RANGAP1: variants seen among roughly 807,000 people sequenced by gnomAD.
RANGAP1 encodes ran GTPase-activating protein 1.
RANGAP1 carries 38 observed loss-of-function variants against 63.5 expected under a neutral mutation model. The ratio of observed to expected loss-of-function variants is 0.60; its 90% CI spans 0.46 to 0.78. The LOEUF (loss-of-function observed/expected upper bound fraction) is 0.78. RANGAP1 is among the 30% of genes least tolerant of loss of function. RANGAP1 has a pLI of 0.00. For synonymous variants in RANGAP1, 329 were observed against 310.5 expected (o/e 1.06, Z -0.63); for missense variants, 630 against 740.3 (o/e 0.85, Z 1.73).
chr22:41,277,374 G>A lies in RANGAP1; in HGVS notation c.113-2647C>T, dbSNP rs954466443. 6.3e-5 allele frequency: 61 copies of A among 961,134 alleles called. 1 individual carries two copies. The highest frequency in any genetic ancestry group is 3.2e-4 in the Admixed American group (12 of 37,788). 59.5% of individuals were successfully genotyped at this position (961,134 alleles called of 1,614,324 possible). ...ATTACAGGCGTGAGCCACCGCGCCCGGCCGAAAGTGAGGATATATTTTTTC... is the reference window on the plus strand; with the variant it reads ...ATTACAGGCGTGAGCCACCGCGCCCAGCCGAAAGTGAGGATATATTTTTTC... On this transcript the variant is annotated intron_variant, in intron 2 of 15. Transcript: ENST00000356244.
intron 3 of RANGAP1, among the ~76,000 whole-genome samples, chr22:41,272,722 G>T (rs924322132): frequency 6.6e-6 from 1 of 152,008 alleles, no homozygotes; most frequent in South Asian, 2.1e-4. Flanking sequence ...CACCATGTTG[G>T]CCAGGATGGT....
intron 2 of RANGAP1, among the ~76,000 whole-genome samples, chr22:41,278,952 C>T (rs768074490): frequency 6.6e-6 from 1 of 151,994 alleles, no homozygotes; most frequent in Non-Finnish European, 1.5e-5. Flanking sequence ...TCTTGGCTAA[C>T]TAACACGGTG....
rs748889594 is a variant in RANGAP1 at position 41,249,422 on chromosome 22, G to GT, written c.1601dup (p.Asn534LysfsTer68). ...TCAGCGCCATCAGGGGGCCGTACAG[G>GT]TTGGCAATGGCCTTGACCTTGTCTT... On this transcript the variant is annotated frameshift_variant, in exon 15 of 16. Coordinates refer to ENST00000356244, the MANE Select transcript of RANGAP1 (RefSeq NM_002883.4). LOFTEE classifies it high-confidence loss of function. 6.2e-7 allele frequency: 1 copy of GT among 1,614,202 alleles called. No individual in the cohort carries two copies. Among genetic ancestry groups the GT allele is most frequent in the South Asian group, 1.1e-5 (1 of 91,090 alleles).
At chr22:41,258,996 G>C (rs1289824725) in intron 6 of RANGAP1, among the ~76,000 whole-genome samples, 1 of 151,890 alleles carries the variant, frequency 6.6e-6, no homozygotes, top group Non-Finnish European at 1.5e-5. Context: ...TGAGTTCTAG[G>C]GCTCTTGTTT....
chr22:41,268,119 C>T lies in RANGAP1; in HGVS notation c.278G>A (p.Arg93Gln), dbSNP rs1174580747. The T allele has an allele frequency of 1.3e-6, 2 of 1,558,702 alleles. No homozygotes were observed. The highest frequency in any genetic ancestry group is 2.4e-5 in the East Asian group (1 of 41,680). Residue 93 changes from arginine to glutamine, a missense_variant, in exon 4 of 16, where the codon CGG (arginine) becomes CAG (glutamine). Arg to Gln is a conservative substitution (Grantham distance 43). Transcript: ENST00000356244. ...HWSDMFTGRL[R>Q]TEIPPALISL... ...TACCAGGGCTGGTGGGATCTCGGTC[C>T]GCAGCCTTCCCGTGAACATGTCACT... is the stretch of plus-strand genomic sequence containing the variant.
At chr22:41,270,926 A>C (rs2034778448) in intron 3 of RANGAP1, among the ~76,000 whole-genome samples, 1 of 138,466 alleles carries the variant, frequency 7.2e-6, no homozygotes, top group African/African-American at 2.4e-5. Context: ...CCCCAAACCT[A>C]ACTCTAATGA....
At chr22:41,301,239 G>C in the RANGAP1 span, among the ~76,000 whole-genome samples, 3 of 152,210 alleles carry the variant, frequency 2.0e-5, no homozygotes, top group African/African-American at 7.2e-5. Flanking sequence ...GAAGGGGGGC[G>C]GGGGGACTTT....
chr22:41,270,055 G>C (rs1009044456), intron 3 of RANGAP1, among the ~76,000 whole-genome samples: 1 of 152,136 alleles, frequency 6.6e-6, no homozygotes, highest in Non-Finnish European at 1.5e-5. Context: ...AGCTGGTCTT[G>C]AACTCTCGAC....
chr22:41,254,237 TTG>T, intron 11 of RANGAP1, 69 bp downstream of exon 11: 1 of 1,566,008 alleles, frequency 6.4e-7, no homozygotes. Flanking sequence ...CCCTACCCCA[TTG>T]TGAAAGTGCC....
At chr22:41,298,011 C>T in the RANGAP1 span, among the ~76,000 whole-genome samples, 1 of 152,038 alleles carries the variant, frequency 6.6e-6, no homozygotes, top group Non-Finnish European at 1.5e-5. Flanking sequence ...GCGCCCGTGA[C>T]CACGCCTGGC....
At chr22:41,264,062 G>A (rs1420527157) in intron 5 of RANGAP1, among the ~76,000 whole-genome samples, 3 of 152,232 alleles carry the variant, frequency 2.0e-5, no homozygotes, top group Non-Finnish European at 4.4e-5. Flanking sequence ...GAAAGTGTGT[G>A]TAGGGGTTGC....
intron 2 of RANGAP1, chr22:41,277,559 T>TA (rs2035232395): frequency 8.8e-7 from 1 of 1,141,506 alleles, no homozygotes; most frequent in South Asian, 1.3e-5. Context: ...GTATGGGAGA[T>TA]AAAGTTTGAA....
intron 2 of RANGAP1, among the ~76,000 whole-genome samples, chr22:41,278,986 C>T (rs548678282): frequency 1.3e-5 from 2 of 151,884 alleles, no homozygotes; most frequent in Non-Finnish European, 2.9e-5. Flanking sequence ...ACTAAAAATA[C>T]AAAAAAATTA....
intron 10 of RANGAP1, 24 bp downstream of exon 10, chr22:41,255,997 C>T: frequency 6.2e-7 from 1 of 1,608,316 alleles, no homozygotes; most frequent in South Asian, 1.1e-5. Flanking sequence ...ACCCCGACCT[C>T]TGGGGCCACC....
intron 15 of RANGAP1, among the ~76,000 whole-genome samples, chr22:41,247,347 G>A (rs995457722): frequency 7.2e-5 from 11 of 152,056 alleles, no homozygotes; most frequent in African/African-American, 2.2e-4. Flanking sequence ...GAGCCACCGC[G>A]CCAGGCTGGT....
chr22:41,254,588 G>A, intron 10 of RANGAP1, 94 bp from the exon 11 acceptor site: 1 of 1,488,974 alleles, frequency 6.7e-7, no homozygotes, highest in South Asian at 1.4e-5. Flanking sequence ...CCTCACCTCA[G>A]CCAGGAGGGA....
At chr22:41,292,481 C>A in the RANGAP1 span, among the ~76,000 whole-genome samples, 1 of 151,938 alleles carries the variant, frequency 6.6e-6, no homozygotes, top group East Asian at 2.0e-4. Context: ...CCTCTTGTGG[C>A]CGGGTGCAAT....
chr22:41,252,812 T>G, intron 12 of RANGAP1, 60 bp downstream of exon 12: 1 of 1,463,406 alleles, frequency 6.8e-7, no homozygotes, highest in Non-Finnish European at 9.0e-7. Context: ...TCGTCCCTTT[T>G]CTCTAACAGC....
intron 1 of RANGAP1, chr22:41,281,683 C>T (rs968410926): frequency 1.7e-5 from 16 of 963,164 alleles, no homozygotes; most frequent in Non-Finnish European, 1.7e-5. Context: ...GATCAGAGAT[C>T]GCCACATCAC....
Sources: gnomAD v4.1 joint callset for allele counts (sites outside exome capture counted in the v4.1 genomes callset) on GRCh38, gnomAD v4.1.1 for gene constraint, MANE v1.5 for transcripts, NCBI Gene and HGNC (gene_info 2026-07-23, HGNC 2026-07-21) for gene names.